Variants in MEIOC observed in about 807,000 individuals in gnomAD.
MEIOC encodes meiosis specific with coiled-coil domain, also known as meiosis-specific coiled-coil domain-containing protein MEIOC.
MEIOC carries 9 observed loss-of-function variants against 85.3 expected under a neutral mutation model. The ratio of observed to expected loss-of-function variants is 0.11; its 90% CI spans 0.06 to 0.18. The LOEUF (loss-of-function observed/expected upper bound fraction) is 0.18. MEIOC is among the 10% of genes least tolerant of loss of function. The pLI is 1.00. For missense variants in MEIOC, 898 were observed against 1,129.4 expected, an observed-to-expected ratio of 0.80 and a Z score of 2.94; for synonymous variants, 365 against 393.7, an observed-to-expected ratio of 0.93 and a Z score of 0.86.
chr17:44,672,831 A>G lies in MEIOC; in HGVS notation c.2458-535A>G, dbSNP rs146091195. Among the ~76,000 whole-genome samples, 28 of 152,278 alleles carry G rather than the reference A, an allele frequency of 1.8e-4. No homozygotes were observed. In the East Asian group the frequency reaches 5.4e-3, roughly 29 times the overall value. On this transcript the variant is annotated intron_variant, in intron 6 of 7. Transcript: ENST00000409122. The stretch of plus-strand genomic sequence containing the variant: ...GTCATTTTGTATTGTTTTAATGTAA[A>G]TTTAAATCAGTATTTTCTGTATTAT...
At chr17:44,663,026 T>C (rs1971860481) in intron 3 of MEIOC, among the ~76,000 whole-genome samples, 1 of 152,236 alleles carries the variant, frequency 6.6e-6, no homozygotes, top group Non-Finnish European at 1.5e-5. Context: ...TAAGTTCTTC[T>C]TTCTAAAGAT....
rs372925968 is a variant in MEIOC at position 44,667,539 on chromosome 17, T to C, written c.1628T>C (p.Phe543Ser). The C allele has an allele frequency of 1.1e-4, 172 of 1,613,818 alleles. No homozygotes were observed. Among genetic ancestry groups the C allele is most frequent in the Non-Finnish European group, 1.4e-4 (167 of 1,179,886 alleles). Residue 543 changes from phenylalanine (F) to serine (S), a missense_variant, in exon 5 of 8, where the codon TTT becomes TCT. Physicochemically the swap from Phe to Ser is radical, Grantham distance 155 (BLOSUM62 -2). Around this residue, in one of 2 missense-constraint regions of MEIOC, gnomAD observed 734 missense variants for 860.1 expected, o/e 0.85. Transcript: ENST00000409122. ...QKYCQENPSA[F>S]SSFDFSYSGA... ...TATTGCCAAGAAAACCCTTCAGCAT[T>C]TTCTAGTTTTGATTTTAGTTACAGT...
intron 6 of MEIOC, among the ~76,000 whole-genome samples, chr17:44,672,529 C>G (rs1202017178): frequency 6.6e-6 from 1 of 152,058 alleles, no homozygotes; most frequent in Admixed American, 6.6e-5. Context: ...AGCTTTTTCC[C>G]CCTATATTCT....
At chr17:44,659,861 C>A (rs910235915) in intron 2 of MEIOC, among the ~76,000 whole-genome samples, 4 of 152,168 alleles carry the variant, frequency 2.6e-5, no homozygotes, top group African/African-American at 9.7e-5. Context: ...TGCTGCTAAC[C>A]AACAAATTCT....
chr17:44,672,142 G>A (rs998821615), intron 6 of MEIOC, among the ~76,000 whole-genome samples: 2 of 151,826 alleles, frequency 1.3e-5, no homozygotes, highest in South Asian at 2.1e-4. Context: ...CACCACACCC[G>A]ACTAATTTTT....
chr17:44,675,668 T>C lies in MEIOC; in HGVS notation c.*1472T>C. ...ATGAATTACATTGAGGGTAGTCAAA[T>C]AAAATAGATCATCTCACCACAGTCA... On this transcript the variant is annotated 3_prime_UTR_variant, in exon 8 of 8. Transcript: ENST00000409122. 2 of 985,268 alleles carry C rather than the reference T, an allele frequency of 2.0e-6. No individual in the cohort carries two copies. Among genetic ancestry groups the C allele is most frequent in the Non-Finnish European group, 2.4e-6 (2 of 829,802 alleles). The allele number at this position is 985,268 out of a possible 1,614,324, so 61.0% of individuals were successfully genotyped here. A position where few individuals can be genotyped will look rare whatever the true frequency, so the allele number is the denominator to read the frequency against.
At chr17:44,671,760 G>C (rs1972014936) in intron 6 of MEIOC, among the ~76,000 whole-genome samples, 1 of 151,806 alleles carries the variant, frequency 6.6e-6, no homozygotes, top group South Asian at 2.1e-4. Flanking sequence ...TAAAAAATTA[G>C]CCGAGCATGG....
downstream of MEIOC, chr17:44,675,806 G>A: frequency 1.1e-6 from 1 of 907,800 alleles, no homozygotes; most frequent in African/African-American, 1.8e-5. Flanking sequence ...AAAACATTTG[G>A]TTTCATTTTT....
Position 44,667,773 on chromosome 17 carries a change from A to C in MEIOC, c.1862A>C (p.Glu621Ala). The change falls in exon 5 of 8, where the codon GAA (glutamate) becomes GCA (alanine). Residue 621 changes from glutamate to alanine, a missense_variant. By Grantham distance (107) the Glu-to-Ala change is moderately radical (BLOSUM62 -1). Coordinates refer to ENST00000409122, the MANE Select transcript of MEIOC (RefSeq NM_001145080.3). ...CAGAGTGGACATTATGATCCTGAGG[A>C]AGGTCCAAAGCATTTAGATGGCTTA... ...KPQSGHYDPE[E>A]GPKHLDGLSQ... is the part of the protein sequence containing the mutation. 1.2e-6 allele frequency: 2 copies of C among 1,613,918 alleles called. No homozygotes were observed. The highest frequency in any genetic ancestry group is 2.2e-5 in the South Asian group (2 of 91,052).
At chr17:44,656,762 C>T in intron 1 of MEIOC, 80 bp downstream of exon 1, 1 of 1,046,152 alleles carries the variant, frequency 9.6e-7, no homozygotes, top group Non-Finnish European at 1.3e-6. Context: ...GAGGAGGGGG[C>T]GCGTCCCTAG....
chr17:44,657,073 C>A (rs766862079), intron 1 of MEIOC, 54 bp from the exon 2 acceptor site: 120 of 1,519,012 alleles, frequency 7.9e-5, no homozygotes, highest in Non-Finnish European at 1.0e-4. Flanking sequence ...CGTTTCAGCT[C>A]CGGCGTCACC....
Position 44,666,961 on chromosome 17 carries a change from C to T in MEIOC, c.1050C>T (p.Ser350=), listed in dbSNP as rs1206544081. 1 of 1,612,194 alleles carries T rather than the reference C, an allele frequency of 6.2e-7. No individual in the cohort carries two copies. Among genetic ancestry groups the T allele is most frequent in the Non-Finnish European group, 8.5e-7 (1 of 1,179,022 alleles). The change falls in exon 5 of 8, where the codon AGC becomes AGT. Residue 350 remains serine (S), a synonymous_variant. Transcript: ENST00000409122. ...GTTCAAATTTTAGTGTCCAAGATAG[C>T]AAAAAATTAGCCAATGGCACACCTG... is the stretch of plus-strand genomic sequence containing the variant. The part of the protein sequence containing the change: ...NKCSNFSVQD[S]KKLANGTPET...
rs533228157 is a variant in MEIOC at position 44,672,201 on chromosome 17, C to T, written c.2458-1165C>T. 3.3e-5 allele frequency among the ~76,000 whole-genome samples: 5 copies of T among 152,162 alleles called. No individual in the cohort carries two copies. The South Asian group carries it at 1.0e-3, about 32-fold the overall frequency. On this transcript the variant is annotated intron_variant, in intron 6 of 7. Transcript: ENST00000409122. Reference sequence around the variant, plus strand: ...TTCACCATGTTGGTCAGGCTGGTCTCGAACTCCTGATCTCAAATGATCCGC... The same window carrying T: ...TTCACCATGTTGGTCAGGCTGGTCTTGAACTCCTGATCTCAAATGATCCGC...
intron 5 of MEIOC, among the ~76,000 whole-genome samples, chr17:44,668,881 C>CAAATACA (rs1971954385): frequency 6.6e-6 from 1 of 152,132 alleles, no homozygotes; most frequent in Non-Finnish European, 1.5e-5. Context: ...GTAGTGTTAA[C>CAAATACA]CTGTTGGTAT....
rs181511731 is a variant in MEIOC at position 44,675,235 on chromosome 17, G to C, written c.*1039G>C. ...TGCAATTGGTTAGCCTATATTTTGC[G>C]TAGTTGTGTTCATTAGTTTGCTTCT... On this transcript the variant is annotated 3_prime_UTR_variant, in exon 8 of 8. Transcript: ENST00000409122. 1.0e-6 allele frequency: 1 copy of C among 984,834 alleles called. No individual in the cohort carries two copies. The highest frequency in any genetic ancestry group is 4.7e-5 in the South Asian group (1 of 21,288). The allele number at this position is 984,834 out of a possible 1,614,324, so 61.0% of individuals were successfully genotyped here. A position where few individuals can be genotyped will look rare whatever the true frequency, so the allele number is the denominator to read the frequency against.
chr17:44,656,814 G>T (rs1257414068), intron 1 of MEIOC, 132 bp downstream of exon 1: 5 of 460,482 alleles, frequency 1.1e-5, no homozygotes, highest in South Asian at 7.1e-5. Context: ...AGGCCGAACG[G>T]GGCGGGCGGG....
chr17:44,669,345 G>C (rs1396600026), intron 5 of MEIOC, 38 bp from the exon 6 acceptor site: 1 of 1,487,034 alleles, frequency 6.7e-7, no homozygotes, highest in East Asian at 2.5e-5. Flanking sequence ...ATCATATTTA[G>C]AAAATTCTAC....
At chr17:44,677,033 T>C (rs912963160), downstream of MEIOC, 1 of 820,096 alleles carries the variant, frequency 1.2e-6, no homozygotes, top group Non-Finnish European at 1.5e-6. Context: ...TTGAAACAAG[T>C]ACCCTTCAGG....
At chr17:44,663,797 T>G (rs115230179) in intron 3 of MEIOC, among the ~76,000 whole-genome samples, 3,102 of 152,236 alleles carry the variant, frequency 0.02, 96 homozygotes, top group African/African-American at 0.069. Flanking sequence ...ATAACACATG[T>G]AGTAGAAAAG....
Sources: allele counts gnomAD v4.1 joint callset (sites outside exome capture counted in the v4.1 genomes callset), GRCh38; gene constraint gnomAD v4.1.1; regional missense constraint gnomAD v4.1.1; transcripts MANE v1.5; gene names NCBI Gene and HGNC (gene_info 2026-07-23, HGNC 2026-07-21).